The following TMEM45A variants were observed in gnomAD, a reference collection of about 807,000 sequenced individuals.
The protein encoded by TMEM45A is transmembrane protein 45A.
TMEM45A carries 25 observed loss-of-function variants against 32.0 expected under a neutral mutation model. That is an observed-to-expected ratio of 0.78 (90% CI 0.57 to 1.09). The LOEUF is 1.09. TMEM45A is among the 50% of genes least tolerant of loss of function. TMEM45A has a pLI of 0.00. For missense variants in TMEM45A, 302 were observed against 325.0 expected (o/e 0.93, Z 0.54); for synonymous variants, 122 against 114.8 (o/e 1.06, Z -0.40).
At chr3:100,527,589 T>C (rs1705570748) in intron 1 of TMEM45A, among the ~76,000 whole-genome samples, 1 of 152,204 alleles carries the variant, frequency 6.6e-6, no homozygotes. Context: ...AATAGACCTA[T>C]TTTTAACATC....
chr3:100,529,400 G>A (rs1559641581), intron 1 of TMEM45A, among the ~76,000 whole-genome samples: 1 of 152,076 alleles, frequency 6.6e-6, no homozygotes. Flanking sequence ...CCTGGGTAGC[G>A]GGAAGAGATG....
chr3:100,533,789 T>C (rs1705693303), intron 1 of TMEM45A, among the ~76,000 whole-genome samples: 1 of 152,214 alleles, frequency 6.6e-6, no homozygotes. Context: ...TTGTATTATG[T>C]CTGCTTATCC....
intron 1 of TMEM45A, among the ~76,000 whole-genome samples, chr3:100,518,312 A>G (rs1576265916): frequency 6.6e-6 from 1 of 152,204 alleles, no homozygotes; most frequent in South Asian, 2.1e-4. Flanking sequence ...CCACATGTGC[A>G]CTGTATGAAA....
chr3:100,530,822 T>C (rs1705632689), intron 1 of TMEM45A, among the ~76,000 whole-genome samples: 2 of 152,238 alleles, frequency 1.3e-5, no homozygotes, highest in South Asian at 4.1e-4. Context: ...GGATTTGTTC[T>C]TTATCTCTTT....
At chr3:100,550,569 A>G (rs1706076521) in intron 1 of TMEM45A, among the ~76,000 whole-genome samples, 1 of 152,210 alleles carries the variant, frequency 6.6e-6, no homozygotes, top group African/African-American at 2.4e-5. Context: ...TTCATTTTAT[A>G]TTGAATTTAG....
chr3:100,494,192 T>C (rs188317804), intron 1 of TMEM45A, among the ~76,000 whole-genome samples: 52 of 152,332 alleles, frequency 3.4e-4, no homozygotes, highest in African/African-American at 1.3e-3. Flanking sequence ...ATCTGAAACA[T>C]GTATAATCCC....
chr3:100,513,867 C>T (rs1354403961), intron 1 of TMEM45A, among the ~76,000 whole-genome samples: 1 of 151,996 alleles, frequency 6.6e-6, no homozygotes, highest in Non-Finnish European at 1.5e-5. Context: ...GAATTAACTC[C>T]CATTCACAAT....
chr3:100,524,073 G>T (rs1450280667), intron 1 of TMEM45A, among the ~76,000 whole-genome samples: 1 of 152,220 alleles, frequency 6.6e-6, no homozygotes, highest in Non-Finnish European at 1.5e-5. Flanking sequence ...GAAGGAGAAT[G>T]TCTGTGGGAT....
intron 1 of TMEM45A, among the ~76,000 whole-genome samples, chr3:100,538,133 T>C (rs1252792650): frequency 6.6e-6 from 1 of 152,244 alleles, no homozygotes; most frequent in Admixed American, 6.5e-5. Context: ...TTTACCTTTC[T>C]GGATGTCTTC....
At chr3:100,542,583 A>C (rs969622174) in intron 1 of TMEM45A, among the ~76,000 whole-genome samples, 3 of 152,158 alleles carry the variant, frequency 2.0e-5, no homozygotes, top group African/African-American at 7.2e-5. Context: ...AAAAAGACAC[A>C]TGCACTCACA....
intron 1 of TMEM45A, among the ~76,000 whole-genome samples, chr3:100,514,499 A>G (rs372089192): frequency 4.6e-5 from 7 of 151,818 alleles, no homozygotes; most frequent in South Asian, 2.1e-4. Context: ...AGACTTAAAC[A>G]TTAGACCTAA....
intron 1 of TMEM45A, among the ~76,000 whole-genome samples, chr3:100,511,867 A>G (rs142107015): frequency 0.032 from 4,828 of 151,428 alleles, 263 homozygotes; most frequent in African/African-American, 0.11. Flanking sequence ...AAGATCAAAA[A>G]AGACAAAGAA....
chr3:100,558,785 G>T (rs1044133839), intron 4 of TMEM45A, among the ~76,000 whole-genome samples, 196 bp downstream of exon 4: 2 of 152,182 alleles, frequency 1.3e-5, no homozygotes, highest in Non-Finnish European at 2.9e-5. Context: ...CTGGGAAGTG[G>T]TGCGTGCACA....
chr3:100,575,017 C>G (rs568291926), intron 5 of TMEM45A, among the ~76,000 whole-genome samples: 1 of 152,262 alleles, frequency 6.6e-6, no homozygotes, highest in Non-Finnish European at 1.5e-5. Flanking sequence ...CATATTGATA[C>G]AGGCAGGCCA....
intron 1 of TMEM45A, among the ~76,000 whole-genome samples, chr3:100,521,573 G>T (rs1705437692): frequency 6.6e-6 from 1 of 152,130 alleles, no homozygotes; most frequent in African/African-American, 2.4e-5. Context: ...TTCTGATATG[G>T]ATCTCAGAGG....
intron 1 of TMEM45A, among the ~76,000 whole-genome samples, chr3:100,554,804 T>C (rs912455537): frequency 3.3e-5 from 5 of 152,228 alleles, no homozygotes; most frequent in Admixed American, 1.3e-4. Flanking sequence ...GAAATCCTTT[T>C]CATTTCTGTG....
chr3:100,556,789 G>A lies in TMEM45A; in HGVS notation c.220G>A (p.Gly74Arg). ...GMAGEQFIPG[G>R]PHLMLYDYKQ... ...GGCTGGGGAGCAGTTTATTCCTGGA[G>A]GGCCCCATCTGATGTTATATGACTA... Residue 74 changes from glycine (G) to arginine (R), a missense_variant, in exon 3 of 6, where the codon GGG (glycine) becomes AGG (arginine). Gly to Arg is a moderately radical substitution (Grantham distance 125). Coordinates refer to ENST00000323523, the MANE Select transcript of TMEM45A (RefSeq NM_018004.3). 1 of 1,613,836 alleles carries A rather than the reference G, an allele frequency of 6.2e-7. No individual in the cohort carries two copies. The highest frequency in any genetic ancestry group is 8.5e-7 in the Non-Finnish European group (1 of 1,179,902).
intron 1 of TMEM45A, among the ~76,000 whole-genome samples, chr3:100,523,992 T>C (rs1705492284): frequency 6.6e-6 from 1 of 152,228 alleles, no homozygotes; most frequent in Non-Finnish European, 1.5e-5. Context: ...CAGTAGCTAA[T>C]GAAATAAGGA....
In TMEM45A at chr3:100,555,125, T is replaced by G. The variant is rs373839615; in HGVS notation, c.-3-84T>G. 78 of 1,214,516 alleles carry G rather than the reference T, an allele frequency of 6.4e-5. No individual in the cohort carries two copies. The African/African-American group carries it at 8.5e-4, about 13-fold the overall frequency. 75.2% of individuals were successfully genotyped at this position (1,214,516 alleles called of 1,614,324 possible). ...TGTATCCATAATAATCAGAAGACAG[T>G]GTACTTTATGGAAACAAGTGATGTT... On this transcript the variant is annotated intron_variant, in intron 1 of 5. Coordinates refer to ENST00000323523, the MANE Select transcript of TMEM45A (RefSeq NM_018004.3).
Sources: allele counts gnomAD v4.1 joint callset (sites outside exome capture counted in the v4.1 genomes callset), GRCh38; gene constraint gnomAD v4.1.1; transcripts MANE v1.5; gene names NCBI Gene and HGNC (gene_info 2026-07-23, HGNC 2026-07-21).